Variants in PROM1 observed in about 807,000 individuals in gnomAD.
PROM1 encodes prominin-1.
A neutral mutation model predicts 116.9 loss-of-function variants in PROM1; 105 were observed. That is an observed-to-expected ratio of 0.90 (90% CI 0.77 to 1.06). PROM1 has a LOEUF of 1.06. PROM1 is among the 50% of genes least tolerant of loss of function. The pLI, the probability that PROM1 is intolerant of heterozygous loss-of-function variation, is 0.00. For missense variants in PROM1, 1,122 were observed against 1,045.2 expected, an observed-to-expected ratio of 1.07 and a Z score of -1.01; for synonymous variants, 393 against 387.0, an observed-to-expected ratio of 1.02 and a Z score of -0.18.
At chr4:15,973,163 TTCTA>T (rs1241465324) in intron 26 of PROM1, among the ~76,000 whole-genome samples, 1 of 152,224 alleles carries the variant, frequency 6.6e-6, no homozygotes, top group East Asian at 1.9e-4. Flanking sequence ...CCCCTCCTAC[TTCTA>T]TCTAAGAATC....
chr4:15,998,979 C>A (rs1723012799), intron 14 of PROM1, among the ~76,000 whole-genome samples: 1 of 152,062 alleles, frequency 6.6e-6, no homozygotes, highest in Non-Finnish European at 1.5e-5. Context: ...ATCCACCCAC[C>A]TCAGCATCCC....
intron 10 of PROM1, among the ~76,000 whole-genome samples, chr4:16,015,700 A>G (rs1234169659): frequency 1.3e-5 from 2 of 151,964 alleles, no homozygotes; most frequent in Admixed American, 6.6e-5. Context: ...AAAAAACAAA[A>G]CAAAACAAAA....
chr4:16,007,303 T>A (rs1284099224), intron 12 of PROM1, among the ~76,000 whole-genome samples: 1 of 152,264 alleles, frequency 6.6e-6, no homozygotes, highest in Admixed American at 6.5e-5. Flanking sequence ...CTCAATTTCA[T>A]AATGGTCCTG....
intron 13 of PROM1, among the ~76,000 whole-genome samples, chr4:16,004,910 C>CTCTCT (rs1385426332): frequency 6.7e-5 from 5 of 74,812 alleles, no homozygotes; most frequent in South Asian, 4.2e-4. Flanking sequence ...TCTCTCCCTT[C>CTCTCT]CTTCCTTCCT....
chr4:16,016,467 A>T (rs1728420696), intron 9 of PROM1, among the ~76,000 whole-genome samples: 1 of 152,134 alleles, frequency 6.6e-6, no homozygotes, highest in African/African-American at 2.4e-5. Flanking sequence ...TAACCAGCTA[A>T]AAAAAAGAGG....
chr4:16,077,927 G>A (rs1447425149), intron 1 of PROM1, among the ~76,000 whole-genome samples: 1 of 152,180 alleles, frequency 6.6e-6, no homozygotes, highest in Non-Finnish European at 1.5e-5. Flanking sequence ...AGAAGGGCAT[G>A]GCCTCAAGTC....
intron 26 of PROM1, among the ~76,000 whole-genome samples, chr4:15,976,929 G>T (rs1231809532): frequency 6.6e-6 from 1 of 152,176 alleles, no homozygotes; most frequent in Non-Finnish European, 1.5e-5. Context: ...TGGCAGTGCT[G>T]CTCCAGCCCT....
At chr4:16,038,484 C>T (rs1025562489) in intron 3 of PROM1, among the ~76,000 whole-genome samples, 2 of 152,194 alleles carry the variant, frequency 1.3e-5, no homozygotes, top group African/African-American at 4.8e-5. Context: ...CTCACTGCAA[C>T]CTCTGCCTCC....
chr4:16,048,499 T>C (rs1394601663), intron 2 of PROM1, among the ~76,000 whole-genome samples: 2 of 152,206 alleles, frequency 1.3e-5, no homozygotes, highest in African/African-American at 4.8e-5. Context: ...AGCCAAGCCA[T>C]ATTTATCAGA....
chr4:16,019,360 A>G (rs1238512389), intron 8 of PROM1, among the ~76,000 whole-genome samples: 1 of 152,252 alleles, frequency 6.6e-6, no homozygotes, highest in African/African-American at 2.4e-5. Flanking sequence ...GATATGTGGT[A>G]GGGTACTCTC....
At chr4:16,054,043 A>C (rs962081187) in intron 2 of PROM1, among the ~76,000 whole-genome samples, 1 of 152,200 alleles carries the variant, frequency 6.6e-6, no homozygotes, top group Non-Finnish European at 1.5e-5. Context: ...GCAGTGAGCC[A>C]GGATTGTGCC....
Position 16,051,780 on chromosome 4 carries a change from G to C in PROM1, c.221-12779C>G, listed in dbSNP as rs16892891. Among the ~76,000 whole-genome samples the C allele has an allele frequency of 8.2e-3, 1,255 of 152,274 alleles. 33 individuals carry two copies. Among genetic ancestry groups the C allele is most frequent in the East Asian group, 0.051 (264 of 5,180 alleles). On this transcript the variant is annotated intron_variant, in intron 2 of 27. Transcript: ENST00000447510. ...AAACTGGAACCAGGTTTCTGACCCT[G>C]GTTTAATGAGCCCGGCATTTTAACA...
At chr4:15,977,036 A>G (rs905766739) in intron 26 of PROM1, among the ~76,000 whole-genome samples, 4 of 152,228 alleles carry the variant, frequency 2.6e-5, no homozygotes, top group Non-Finnish European at 5.9e-5. Context: ...TGCTTGATCC[A>G]GAGCTCCTGC....
At chr4:16,031,310 G>A (rs1163560222) in intron 5 of PROM1, among the ~76,000 whole-genome samples, 1 of 152,110 alleles carries the variant, frequency 6.6e-6, no homozygotes, top group Admixed American at 6.5e-5. Flanking sequence ...GGCTGTGCAA[G>A]TGTCTAGACA....
intron 2 of PROM1, among the ~76,000 whole-genome samples, chr4:16,056,106 A>G (rs925258318): frequency 6.6e-6 from 1 of 152,158 alleles, no homozygotes; most frequent in Non-Finnish European, 1.5e-5. Flanking sequence ...GAAACAGGTC[A>G]GAGCTGTCAG....
chr4:16,042,282 G>A (rs752969000), intron 2 of PROM1, among the ~76,000 whole-genome samples: 4 of 152,148 alleles, frequency 2.6e-5, no homozygotes, highest in Non-Finnish European at 5.9e-5. Context: ...CCTTTCTAAC[G>A]TGATCAGTAA....
chr4:16,075,990 G>A lies in PROM1; in HGVS notation c.-84C>T, dbSNP rs2149587261. On this transcript the variant is annotated 5_prime_UTR_variant, in exon 2 of 28. Coordinates refer to ENST00000447510, the MANE Select transcript of PROM1 (RefSeq NM_006017.3). ...TGGAAGCCTTGGGGAAGGCAAGCGT[G>A]TTCCTGGGCAGAAGAGGAGCAGGAA... 6.8e-7 allele frequency: 1 copy of A among 1,471,054 alleles called. No individual in the cohort carries two copies. The highest frequency in any genetic ancestry group is 9.0e-7 in the Non-Finnish European group (1 of 1,109,214). 91.1% of individuals were successfully genotyped at this position (1,471,054 alleles called of 1,614,324 possible).
In PROM1 at chr4:15,985,769, G is replaced by A. The variant is rs375986111; in HGVS notation, c.2271C>T (p.Ile757=). 292 of 1,563,526 alleles carry A rather than the reference G, an allele frequency of 1.9e-4. 1 individual carries two copies. The highest frequency in any genetic ancestry group is 3.1e-5 in the Non-Finnish European group (35 of 1,139,858). ...IGYFEHYLQW[I]EFSISEKVAS... ...AAGATAAACTACTTACAGAGAACTC[G>A]ATCCACTGCAGATAATGTTCAAAAT... Residue 757 remains isoleucine (I), a synonymous_variant, in exon 22 of 28, where the codon ATC becomes ATT. Transcript: ENST00000447510.
At chr4:16,028,117 G>A (rs1410995888) in intron 5 of PROM1, among the ~76,000 whole-genome samples, 2 of 152,068 alleles carry the variant, frequency 1.3e-5, no homozygotes, top group African/African-American at 4.8e-5. Flanking sequence ...GGAGTTCCAA[G>A]TCCAGCATGG....
Sources: gnomAD v4.1 joint callset for allele counts (sites outside exome capture counted in the v4.1 genomes callset) on GRCh38, gnomAD v4.1.1 for gene constraint, MANE v1.5 for transcripts, NCBI Gene and HGNC (gene_info 2026-07-23, HGNC 2026-07-21) for gene names.